Variants in ACP7 observed in about 807,000 individuals in gnomAD.
ACP7 encodes the protein acid phosphatase type 7.
ACP7 carries 58 observed loss-of-function variants against 60.6 expected under a neutral mutation model. That is an observed-to-expected ratio of 0.96 (90% confidence interval 0.77 to 1.19). ACP7 has a LOEUF of 1.19. Among genes scored for constraint, ACP7 ranks in the 50% most tolerant of loss-of-function variants. ACP7 has a pLI of 0.00. For synonymous variants in ACP7, 237 were observed against 232.6 expected (o/e 1.02, Z -0.17); for missense variants, 574 against 596.2 (o/e 0.96, Z 0.39).
chr19:39,102,690 A>G (rs1458817467), intron 11 of ACP7, among the ~76,000 whole-genome samples: 1 of 142,218 alleles, frequency 7.0e-6, no homozygotes, highest in Non-Finnish European at 1.5e-5. Context: ...GTTAACAGTT[A>G]TTACTAAGCT....
intron 1 of ACP7, among the ~76,000 whole-genome samples, chr19:39,084,704 G>C (rs1349607518): frequency 6.6e-6 from 1 of 151,990 alleles, no homozygotes; most frequent in Non-Finnish European, 1.5e-5. Context: ...TGGAATCTCG[G>C]GAGTAGGTAG....
Position 39,104,155 on chromosome 19 carries a change from A to G in ACP7, c.1113+2618A>G, listed in dbSNP as rs556256327. 2.1e-4 allele frequency among the ~76,000 whole-genome samples: 32 copies of G among 152,054 alleles called. No individual in the cohort carries two copies. In the South Asian group the frequency reaches 6.4e-3, roughly 31 times the overall value. The stretch of plus-strand genomic sequence containing the variant: ...AAGAATCACTTGTAATAAAAATTCA[A>G]ACAGTTACAGAGGGCAGGAGGTGAA... On this transcript the variant is annotated intron_variant, in intron 11 of 12. Coordinates refer to ENST00000331256, the MANE Select transcript of ACP7 (RefSeq NM_001004318.3).
At chr19:39,109,768 G>C (rs540230348) in intron 12 of ACP7, among the ~76,000 whole-genome samples, 2 of 150,422 alleles carry the variant, frequency 1.3e-5, no homozygotes, top group Non-Finnish European at 2.9e-5. Flanking sequence ...TCTGACTCCA[G>C]AGTTTGTGCT....
intron 2 of ACP7, among the ~76,000 whole-genome samples, chr19:39,092,134 A>G (rs189612596): frequency 6.6e-6 from 1 of 152,156 alleles, no homozygotes; most frequent in Admixed American, 6.6e-5. Flanking sequence ...GCACTTTGGG[A>G]GGCAGAGGCA....
Position 39,085,183 on chromosome 19 carries a change from C to A in ACP7, c.-87C>A. The A allele has an allele frequency of 6.7e-7, 1 of 1,486,382 alleles. No individual in the cohort carries two copies. Among genetic ancestry groups the A allele is most frequent in the Non-Finnish European group, 9.0e-7 (1 of 1,106,044 alleles). 92.1% of individuals were successfully genotyped at this position (1,486,382 alleles called of 1,614,324 possible). On this transcript the variant is annotated 5_prime_UTR_variant, in exon 2 of 13. Coordinates refer to ENST00000331256, the MANE Select transcript of ACP7 (RefSeq NM_001004318.3). ...GCCTGATCATCCTCTGTTCCCCATC[C>A]TCCCAGCCCTTCCTGCTGTACCTGT...
At chr19:39,102,280 A>G (rs1432969959) in intron 11 of ACP7, among the ~76,000 whole-genome samples, 4 of 151,992 alleles carry the variant, frequency 2.6e-5, no homozygotes, top group African/African-American at 9.7e-5. Flanking sequence ...GATCGCACCA[A>G]TGCACTCTAG....
intron 2 of ACP7, among the ~76,000 whole-genome samples, chr19:39,089,503 A>G (rs2073181147): frequency 6.6e-6 from 1 of 152,218 alleles, no homozygotes; most frequent in South Asian, 2.1e-4. Context: ...AATGATTAAA[A>G]CTGAGAAATC....
At chr19:39,088,179 G>A (rs929372776) in intron 2 of ACP7, among the ~76,000 whole-genome samples, 2 of 151,772 alleles carry the variant, frequency 1.3e-5, no homozygotes, top group African/African-American at 4.8e-5. Context: ...GCACTACCAT[G>A]CCTGGCTAAT....
chr19:39,098,531 G>C lies in ACP7; in HGVS notation c.195G>C (p.Gln65His), dbSNP rs368929883. 6.9e-5 allele frequency: 111 copies of C among 1,611,334 alleles called. No individual in the cohort carries two copies. Among genetic ancestry groups the C allele is most frequent in the Non-Finnish European group, 8.9e-5 (105 of 1,179,144 alleles). ...PTRSEVQFGL[Q>H]PSGPLPLRAQ... The stretch of plus-strand genomic sequence containing the variant: ...GCTCTGAAGTGCAATTCGGGTTGCA[G>C]CCGTCGGGGCCCCTGCCCCTCCGCG... Residue 65 changes from glutamine (Q) to histidine (H), a missense_variant, in exon 3 of 13, where the codon CAG becomes CAC. Coordinates refer to ENST00000331256, the MANE Select transcript of ACP7 (RefSeq NM_001004318.3).
chr19:39,084,399 G>C lies in ACP7; in HGVS notation c.-180G>C, dbSNP rs1480022623. On this transcript the variant is annotated splice_region_variant and 5_prime_UTR_variant, in exon 1 of 13. Coordinates refer to ENST00000331256, the MANE Select transcript of ACP7 (RefSeq NM_001004318.3). ...GCGTGCGGGCAGCCGGCGCCCCCGA[G>C]GGTGAGCCGGGGTCCGGGAGGGCGT... 6.6e-6 allele frequency: 1 copy of C among 152,368 alleles called. No individual in the cohort carries two copies. 9.4% of individuals were successfully genotyped at this position (152,368 alleles called of 1,614,324 possible). A position where few individuals can be genotyped will look rare whatever the true frequency, so the allele number is the denominator to read the frequency against.
At chr19:39,088,730 T>G (rs757352731) in intron 2 of ACP7, among the ~76,000 whole-genome samples, 9 of 20,148 alleles carry the variant, frequency 4.5e-4, no homozygotes, top group East Asian at 9.7e-4. Flanking sequence ...TTTGTGGGTT[T>G]GTTTGTTTGT....
chr19:39,103,707 A>G (rs2073382982), intron 11 of ACP7, among the ~76,000 whole-genome samples: 1 of 151,982 alleles, frequency 6.6e-6, no homozygotes, highest in African/African-American at 2.4e-5. Context: ...GCACACCTGT[A>G]GTCCCAGCTA....
rs549437656 is a variant in ACP7 at position 39,104,066 on chromosome 19, C to T, written c.1113+2529C>T. Among the ~76,000 whole-genome samples the T allele has an allele frequency of 3.3e-3, 497 of 151,450 alleles. 3 individuals carry two copies. Among genetic ancestry groups the T allele is most frequent in the African/African-American group, 0.011 (470 of 41,334 alleles). On this transcript the variant is annotated intron_variant, in intron 11 of 12. Coordinates refer to ENST00000331256, the MANE Select transcript of ACP7 (RefSeq NM_001004318.3). ...ACCAGCCTGGGCAACATGACAAAAC[C>T]CTGTTTCTGGTAAAATAATAATTAT...
Position 39,098,123 on chromosome 19 carries a change from T to C in ACP7, c.122-335T>C, listed in dbSNP as rs917845253. ...AAAATTAGCCAGGCATGGTGGCACATGCTTGTAATCCCAGCTACTCGGGAG... is the reference window on the plus strand; with the variant it reads ...AAAATTAGCCAGGCATGGTGGCACACGCTTGTAATCCCAGCTACTCGGGAG... On this transcript the variant is annotated intron_variant, in intron 2 of 12. Transcript: ENST00000331256. 2.6e-5 allele frequency among the ~76,000 whole-genome samples: 4 copies of C among 151,814 alleles called. No individual in the cohort carries two copies. The East Asian group carries it at 7.8e-4, about 29-fold the overall frequency.
At chr19:39,106,920 G>A in intron 11 of ACP7, 27 bp from the exon 12 acceptor site, 2 of 1,612,300 alleles carry the variant, frequency 1.2e-6, no homozygotes, top group Non-Finnish European at 1.7e-6. Flanking sequence ...CACCTGCTCT[G>A]GGTCTGATCA....
intron 2 of ACP7, among the ~76,000 whole-genome samples, chr19:39,088,867 T>C (rs2073173337): frequency 2.6e-5 from 4 of 152,010 alleles, no homozygotes; most frequent in Admixed American, 2.6e-4. Context: ...TGCCTCAGCC[T>C]CCCGAGTAGC....
intron 2 of ACP7, among the ~76,000 whole-genome samples, chr19:39,086,645 G>A (rs1392336309): frequency 2.7e-5 from 4 of 145,888 alleles, no homozygotes; most frequent in Non-Finnish European, 4.5e-5. Flanking sequence ...AAAAAAAGGG[G>A]GGGGGGAGGG....
chr19:39,109,953 A>G, intron 12 of ACP7, 100 bp from the exon 13 acceptor site: 2 of 1,185,268 alleles, frequency 1.7e-6, no homozygotes, highest in Non-Finnish European at 2.5e-6. Flanking sequence ...AGGGTTGTAC[A>G]GCCCATCAGA....
chr19:39,103,441 G>GTTTTTTTTTTT lies in ACP7; in HGVS notation c.1113+1919_1113+1929dup, dbSNP rs58293250. ...TCAAAACATTCCAGGATCATCATGT[G>GTTTTTTTTTTT]TTTTTTTTTTTTTTTTTTTTTTTTT... On this transcript the variant is annotated intron_variant, in intron 11 of 12. Coordinates refer to ENST00000331256, the MANE Select transcript of ACP7 (RefSeq NM_001004318.3). Among the ~76,000 whole-genome samples, 11 of 64,716 alleles carry GTTTTTTTTTTT rather than the reference G, an allele frequency of 1.7e-4. 1 individual carries two copies. The highest frequency in any genetic ancestry group is 7.4e-4 in the African/African-American group (11 of 14,854). The allele number at this position is 64,716 out of a possible 152,430, so 42.5% of individuals were successfully genotyped here. A position where few individuals can be genotyped will look rare whatever the true frequency, so the allele number is the denominator to read the frequency against.
Sources: gnomAD v4.1 joint callset for allele counts (sites outside exome capture counted in the v4.1 genomes callset) on GRCh38, gnomAD v4.1.1 for gene constraint, MANE v1.5 for transcripts, NCBI Gene and HGNC (gene_info 2026-07-23, HGNC 2026-07-21) for gene names.